Variants in ENAH observed in about 807,000 individuals in gnomAD.
ENAH encodes protein enabled homolog.
In ENAH, 23 loss-of-function variants were observed where a neutral mutation model predicts 78.7. The ratio of observed to expected loss-of-function variants is 0.29; its 90% CI spans 0.21 to 0.41. ENAH has a LOEUF of 0.41. Ranked by LOEUF, ENAH falls within the 10% of genes least tolerant of loss-of-function variation. The pLI is 1.00. For missense variants in ENAH, 544 were observed against 691.0 expected, an observed-to-expected ratio of 0.79 and a Z score of 2.39; for synonymous variants, 226 against 241.0, an observed-to-expected ratio of 0.94 and a Z score of 0.58.
At chr1:225,652,505 G>C (rs1423351300) in intron 1 of ENAH, 181 bp downstream of exon 1, 1 of 863,638 alleles carries the variant, frequency 1.2e-6, no homozygotes, top group Non-Finnish European at 1.4e-6. Context: ...ACACGGGTTG[G>C]GGAGGTTTCC....
chr1:225,639,166 T>TG (rs1660576217), intron 1 of ENAH, among the ~76,000 whole-genome samples: 1 of 152,012 alleles, frequency 6.6e-6, no homozygotes, highest in South Asian at 2.1e-4. Context: ...ACAAAGCAAC[T>TG]GAAAAAAATG....
At chr1:225,652,419 T>C in intron 1 of ENAH, 4 of 985,300 alleles carry the variant, frequency 4.1e-6, no homozygotes, top group Non-Finnish European at 3.6e-6. Context: ...CAAATTAAAT[T>C]TAGGAAGGGA....
At chr1:225,565,126 C>G (rs2096728117) in intron 2 of ENAH, among the ~76,000 whole-genome samples, 1 of 152,102 alleles carries the variant, frequency 6.6e-6, no homozygotes, top group South Asian at 2.1e-4. Context: ...ATTTCATATG[C>G]AAATTTCCTA....
intron 1 of ENAH, among the ~76,000 whole-genome samples, chr1:225,623,974 T>C (rs1197339757): frequency 6.6e-6 from 1 of 152,194 alleles, no homozygotes; most frequent in East Asian, 1.9e-4. Flanking sequence ...TTTGTGTCTG[T>C]GTGTAACCAA....
rs1175616331 is a variant in ENAH at position 225,495,128 on chromosome 1, GGATAGTACA to G, written c.*2638_*2646del. ...TTGACTTGTGAGCCATTTACATAGT[GGATAGTACA>G]GACTTGTCACAGGTCAGATCACAGT... On this transcript the variant is annotated 3_prime_UTR_variant, in exon 14 of 14. Coordinates refer to ENST00000366843, the MANE Select transcript of ENAH (RefSeq NM_018212.6). The G allele has an allele frequency of 6.6e-6, 1 of 152,556 alleles. No homozygotes were observed. The highest frequency in any genetic ancestry group is 1.9e-4 in the East Asian group (1 of 5,192). The allele number at this position is 152,556 out of a possible 1,614,324, so 9.5% of individuals were successfully genotyped here. A position where few individuals can be genotyped will look rare whatever the true frequency, so the allele number is the denominator to read the frequency against.
At chr1:225,567,889 G>A (rs1199796353) in intron 1 of ENAH, among the ~76,000 whole-genome samples, 3 of 152,054 alleles carry the variant, frequency 2.0e-5, no homozygotes, top group Admixed American at 6.6e-5. Context: ...CTTCTTTACT[G>A]AGAAAATTAC....
chr1:225,535,477 A>G (rs1362339835), intron 3 of ENAH: 1 of 1,291,334 alleles, frequency 7.7e-7, no homozygotes, highest in East Asian at 5.6e-5. Flanking sequence ...CCACAGCTTG[A>G]AAAAGTAATG....
At chr1:225,607,213 AACG>A (rs1294861181) in intron 1 of ENAH, among the ~76,000 whole-genome samples, 9 of 152,100 alleles carry the variant, frequency 5.9e-5, no homozygotes, top group African/African-American at 2.2e-4. Context: ...CACTAACAAC[AACG>A]ACAGCTGATG....
In ENAH at chr1:225,641,423, C is replaced by A. The variant is rs190392448; in HGVS notation, c.5+11263G>T. On this transcript the variant is annotated intron_variant, in intron 1 of 13. Coordinates refer to ENST00000366843, the MANE Select transcript of ENAH (RefSeq NM_018212.6). ...GTCAAGGCAAACAGATCACTCAAGG[C>A]CAAGAGTTGAAGACTAACTTGAGCA... Among the ~76,000 whole-genome samples, 856 of 138,060 alleles carry A rather than the reference C, an allele frequency of 6.2e-3. 3 individuals are homozygous for A. Among genetic ancestry groups the A allele is most frequent in the Non-Finnish European group, 8.4e-3 (550 of 65,340 alleles). The allele number at this position is 138,060 out of a possible 152,430, so 90.6% of individuals were successfully genotyped here.
intron 2 of ENAH, among the ~76,000 whole-genome samples, chr1:225,555,560 C>T (rs537186643): frequency 1.3e-5 from 2 of 148,492 alleles, no homozygotes; most frequent in Admixed American, 6.7e-5. Context: ...CCAGCCTGGG[C>T]GATAGAGCGA....
In ENAH at chr1:225,507,985, T is replaced by C. The variant is rs369343851; in HGVS notation, c.1504A>G (p.Thr502Ala). 4.5e-6 allele frequency: 7 copies of C among 1,565,844 alleles called. No homozygotes were observed. The highest frequency in any genetic ancestry group is 2.0e-5 in the Admixed American group (1 of 49,050). ...PTRKPWERTN[T>A]MNGSKSPVIS... The stretch of plus-strand genomic sequence containing the variant: ...ACAGGTGACTTGCTGCCATTCATTG[T>C]ATTTGTTCTTTCCCAAGGTTTTCTT... The change falls in exon 11 of 14, where the codon ACA (threonine) becomes GCA (alanine). Residue 502 changes from threonine to alanine, a missense_variant. Thr to Ala is a moderately conservative substitution (Grantham distance 58). Transcript: ENST00000366843.
rs1282476349 is a variant in ENAH at position 225,496,691 on chromosome 1, T to TA, written c.*1083dup. On this transcript the variant is annotated 3_prime_UTR_variant, in exon 14 of 14. Transcript: ENST00000366843. ...GTAAAAGATTAAGTACTTGGTTTTG[T>TA]AACATATTTACCAATTAAAGTCACA... The TA allele has an allele frequency of 6.6e-6, 1 of 152,660 alleles. No individual in the cohort carries two copies. The highest frequency in any genetic ancestry group is 1.5e-5 in the Non-Finnish European group (1 of 68,024). 9.5% of individuals were successfully genotyped at this position (152,660 alleles called of 1,614,324 possible). A position where few individuals can be genotyped will look rare whatever the true frequency, so the allele number is the denominator to read the frequency against.
intron 6 of ENAH, among the ~76,000 whole-genome samples, chr1:225,516,196 G>A (rs2151143909): frequency 6.6e-6 from 1 of 152,190 alleles, no homozygotes; most frequent in South Asian, 2.1e-4. Flanking sequence ...GTAGGGACGG[G>A]GAGAATAACT....
In ENAH at chr1:225,493,397, C is replaced by T. The variant is rs2096232698; in HGVS notation, c.*4378G>A. On this transcript the variant is annotated 3_prime_UTR_variant, in exon 14 of 14. Coordinates refer to ENST00000366843, the MANE Select transcript of ENAH (RefSeq NM_018212.6). ...TTTACATAGCCAAAGCTACCTACAT[C>T]AATTTCATTCCTTCAGAGTCATGGA... is the stretch of plus-strand genomic sequence containing the variant. The T allele has an allele frequency of 6.6e-6, 1 of 152,342 alleles. No homozygotes were observed. 9.4% of individuals were successfully genotyped at this position (152,342 alleles called of 1,614,324 possible).
intron 1 of ENAH, among the ~76,000 whole-genome samples, chr1:225,594,597 C>T (rs994325151): frequency 1.3e-5 from 2 of 152,204 alleles, no homozygotes; most frequent in Non-Finnish European, 2.9e-5. Flanking sequence ...TTAGACTATA[C>T]ACTTACCAGT....
chr1:225,511,133 C>T (rs1191175719), intron 10 of ENAH, among the ~76,000 whole-genome samples: 1 of 152,172 alleles, frequency 6.6e-6, no homozygotes, highest in Non-Finnish European at 1.5e-5. Context: ...TTATGGACCA[C>T]TCTAGATATT....
intron 1 of ENAH, among the ~76,000 whole-genome samples, chr1:225,630,584 A>G (rs1658837562): frequency 6.6e-6 from 1 of 152,194 alleles, no homozygotes. Context: ...TTAAAATTGT[A>G]AATTTTGTGT....
intron 4 of ENAH, among the ~76,000 whole-genome samples, chr1:225,525,844 C>T (rs1259953845): frequency 6.6e-6 from 1 of 152,044 alleles, no homozygotes; most frequent in Non-Finnish European, 1.5e-5. Flanking sequence ...CTTACTTATT[C>T]TAGGACAACA....
chr1:225,601,885 T>C (rs981713531), intron 1 of ENAH, among the ~76,000 whole-genome samples: 8 of 151,562 alleles, frequency 5.3e-5, no homozygotes, highest in African/African-American at 1.7e-4. Context: ...GAGGAAAATA[T>C]ATGGCTTTAA....
Sources: allele counts gnomAD v4.1 joint callset (sites outside exome capture counted in the v4.1 genomes callset), GRCh38; gene constraint gnomAD v4.1.1; transcripts MANE v1.5; gene names NCBI Gene and HGNC (gene_info 2026-07-23, HGNC 2026-07-21).